The following SNAPC4 variants were observed in gnomAD, a reference collection of about 807,000 sequenced individuals.
SNAPC4 encodes snRNA-activating protein complex subunit 4.
Under a neutral mutation model 151.3 loss-of-function variants are expected in SNAPC4, and 127 were observed. The ratio of observed to expected loss-of-function variants is 0.84; its 90% confidence interval spans 0.73 to 0.97. The LOEUF is 0.97. Ranked by LOEUF, SNAPC4 falls within the 50% of genes least tolerant of loss-of-function variation. The probability of loss-of-function intolerance (pLI) is 0.00; values close to 1 mark genes in which losing one functional copy is unlikely to be tolerated. For synonymous variants in SNAPC4, 1,002 were observed against 824.4 expected (o/e 1.22, Z -3.69); for missense variants, 2,186 against 1,935.0 (o/e 1.13, Z -2.43).
chr9:136,395,386 G>A lies in SNAPC4; in HGVS notation c.383C>T (p.Thr128Ile). The A allele has an allele frequency of 6.2e-7, 1 of 1,613,532 alleles. No homozygotes were observed. Among genetic ancestry groups the A allele is most frequent in the South Asian group, 1.1e-5 (1 of 91,086 alleles). The change falls in exon 5 of 24, where the codon ACC (threonine) becomes ATC (isoleucine). Residue 128 changes from threonine (T) to isoleucine (I), a missense_variant. Coordinates refer to ENST00000684778, the MANE Select transcript of SNAPC4 (RefSeq NM_003086.4). The stretch of plus-strand genomic sequence containing the variant: ...CAGGCTTTTGCCATCTTTCACCTTG[G>A]TGCCTTTGGACCCAGCCAGATCCCT... ...LMRDLAGSKG[T>I]KVKDGKSLPP...
At chr9:136,380,624 C>T in intron 20 of SNAPC4, 116 bp downstream of exon 20, 1 of 638,332 alleles carries the variant, frequency 1.6e-6, no homozygotes, top group East Asian at 2.7e-5. Flanking sequence ...GTGCAGATGC[C>T]TCCCTGAGGG....
At chr9:136,390,862 A>G (rs919939624) in intron 10 of SNAPC4, among the ~76,000 whole-genome samples, 1 of 149,090 alleles carries the variant, frequency 6.7e-6, no homozygotes. Flanking sequence ...TTTGAGACGG[A>G]GTCTTGCTGT....
At chr9:136,396,355 G>A (rs989758145) in intron 3 of SNAPC4, among the ~76,000 whole-genome samples, 1 of 152,240 alleles carries the variant, frequency 6.6e-6, no homozygotes, top group East Asian at 1.9e-4. Context: ...GTAAACAAAA[G>A]GCAGCTAATA....
intron 10 of SNAPC4, 46 bp from the exon 11 acceptor site, chr9:136,388,637 G>A: frequency 6.2e-7 from 1 of 1,610,998 alleles, no homozygotes; most frequent in Non-Finnish European, 8.5e-7. Flanking sequence ...TGCGCGGCAG[G>A]ATGTCCAGAT....
rs776390535 is a variant in SNAPC4, at chr9:136,383,647, G to A, written c.1522C>T (p.Arg508Trp). ...MMGKKQGLRR[R>W]RRRARHSVRW... ...ACGCTGTGACGGGCCCTCCGCCGCC[G>A]CCTCCGGAGACCCTGCTTCTTCTGA... is the stretch of plus-strand genomic sequence containing the variant. The change falls in exon 16 of 24, where the codon CGG becomes TGG. Residue 508 changes from arginine to tryptophan, a missense_variant. Arg to Trp is a moderately radical substitution (Grantham distance 101). Transcript: ENST00000684778. This position sits in a 1 kb window ranked among gnomAD's most constrained non-coding sequence, Gnocchi z 4.2. The A allele has an allele frequency of 3.2e-5, 52 of 1,607,042 alleles. No individual in the cohort carries two copies. Among genetic ancestry groups the A allele is most frequent in the Non-Finnish European group, 4.0e-5 (47 of 1,176,514 alleles).
intron 13 of SNAPC4, among the ~76,000 whole-genome samples, chr9:136,386,016 A>G (rs983444528): frequency 6.6e-6 from 1 of 151,976 alleles, no homozygotes; most frequent in Non-Finnish European, 1.5e-5. Flanking sequence ...TTTGGGTTTT[A>G]TGCTTATCAA....
rs1283098995 is a variant in SNAPC4 at position 136,391,922 on chromosome 9, G to A, written c.975+20C>T. 1 of 1,596,566 alleles carries A rather than the reference G, an allele frequency of 6.3e-7. No individual in the cohort carries two copies. Among genetic ancestry groups the A allele is most frequent in the Non-Finnish European group, 8.5e-7 (1 of 1,177,842 alleles). On this transcript the variant is annotated intron_variant, in intron 10 of 23. Transcript: ENST00000684778. Reference sequence around the variant, plus strand: ...CGCCCTCAGGTCTCCTGGCCCCTGGGGTCCAGGCCAGGCCCTTACCCCCAG... The same window carrying A: ...CGCCCTCAGGTCTCCTGGCCCCTGGAGTCCAGGCCAGGCCCTTACCCCCAG...
At chr9:136,392,855 C>T (rs1188568570) in intron 7 of SNAPC4, 78 bp from the exon 8 acceptor site, 5 of 1,165,996 alleles carry the variant, frequency 4.3e-6, no homozygotes, top group Non-Finnish European at 6.3e-6. Flanking sequence ...CATTACAGGG[C>T]AAGGAGTGTG....
Position 136,379,357 on chromosome 9 carries a change from C to A in SNAPC4, c.2528-58G>T, listed in dbSNP as rs1833605835. On this transcript the variant is annotated intron_variant, in intron 21 of 23. Transcript: ENST00000684778. ...CCCAGGCATCTGGCCCAGGGACAGC[C>A]CCTCGCTGCCATCCCCTCATCAGGA... is the stretch of plus-strand genomic sequence containing the variant. 3 of 1,599,618 alleles carry A rather than the reference C, an allele frequency of 1.9e-6. No individual in the cohort carries two copies. The Admixed American group carries it at 5.2e-5, about 28-fold the overall frequency.
chr9:136,390,278 G>A lies in SNAPC4; in HGVS notation c.975+1664C>T, dbSNP rs527870438. Among the ~76,000 whole-genome samples, 18 of 152,250 alleles carry A rather than the reference G, an allele frequency of 1.2e-4. No individual in the cohort carries two copies. In the East Asian group the frequency reaches 2.9e-3, roughly 24 times the overall value. On this transcript the variant is annotated intron_variant, in intron 10 of 23. Transcript: ENST00000684778. ...AAGGCTGAAAATACAGGGATGGGCC[G>A]GGCGCGGTGGCTCACGTCTGTAATC... is the stretch of plus-strand genomic sequence containing the variant.
chr9:136,392,913 C>T (rs2131506708), intron 7 of SNAPC4, 136 bp from the exon 8 acceptor site: 1 of 716,068 alleles, frequency 1.4e-6, no homozygotes, highest in East Asian at 2.7e-5. Context: ...GCCTCGGCCT[C>T]CTCACCCATG....
chr9:136,382,264 T>C lies in SNAPC4; in HGVS notation c.2056A>G (p.Ser686Gly). ...GCAGCAGGCCTCACCTGTGTGCAGC[T>C]CCGAGCAGCCGTGTTGGCCCTGAGC... ...RVLRANTAAR[S>G]CTQKEQLRQP... The change falls in exon 17 of 24, where the codon AGC (serine) becomes GGC (glycine). Residue 686 changes from serine to glycine, a missense_variant. Physicochemically the swap from Ser to Gly is moderately conservative, Grantham distance 56. Coordinates refer to ENST00000684778, the MANE Select transcript of SNAPC4 (RefSeq NM_003086.4). 1 of 1,612,760 alleles carries C rather than the reference T, an allele frequency of 6.2e-7. No homozygotes were observed. The highest frequency in any genetic ancestry group is 8.5e-7 in the Non-Finnish European group (1 of 1,179,908).
chr9:136,379,861 A>T lies in SNAPC4; in HGVS notation c.2503T>A (p.Ser835Thr), dbSNP rs1833624692. Residue 835 changes from serine to threonine, a missense_variant, in exon 21 of 24, where the codon TCC (serine) becomes ACC (threonine). Ser to Thr is a moderately conservative substitution (Grantham distance 58). Coordinates refer to ENST00000684778, the MANE Select transcript of SNAPC4 (RefSeq NM_003086.4). ...CCTGGGGTGCTCTGGGCACTTGAGG[A>T]TGCCTGGAAATGAAAGAGAGGAGAG... ...RDPPVHLLQA[S>T]SSAQSTPGHL... The T allele has an allele frequency of 6.2e-7, 1 of 1,612,872 alleles. No homozygotes were observed. Among genetic ancestry groups the T allele is most frequent in the Non-Finnish European group, 8.5e-7 (1 of 1,179,576 alleles).
chr9:136,377,474 C>A, intron 22 of SNAPC4, 69 bp downstream of exon 22: 1 of 1,483,910 alleles, frequency 6.7e-7, no homozygotes, highest in Non-Finnish European at 8.9e-7. Flanking sequence ...CCCCACTGCT[C>A]CAGGCAGGCG....
chr9:136,395,325 C>T lies in SNAPC4; in HGVS notation c.444G>A (p.Pro148=), dbSNP rs750314247. Residue 148 remains proline (P), a synonymous_variant, in exon 5 of 24, where the codon CCG becomes CCA. Transcript: ENST00000684778. ...CGCCCGTGACCTTGTCCTTGAAATA[C>T]GGCTTCATGAAGTGCCCCATGTATG... ...PSTYMGHFMK[P]YFKDKVTGVG... 2.4e-5 allele frequency: 39 copies of T among 1,613,482 alleles called. No homozygotes were observed. Among genetic ancestry groups the T allele is most frequent in the Middle Eastern group, 1.6e-4 (1 of 6,084 alleles).
chr9:136,398,725 G>A (rs753968342), intron 1 of SNAPC4: 20 of 317,128 alleles, frequency 6.3e-5, no homozygotes, highest in Non-Finnish European at 1.0e-4. Context: ...GATGAACAAG[G>A]ACAGGCCCCA....
chr9:136,376,629 C>G, intron 22 of SNAPC4, 148 bp from the exon 23 acceptor site: 2 of 871,146 alleles, frequency 2.3e-6, no homozygotes, highest in Non-Finnish European at 3.7e-6. Context: ...GCTCCAGGCA[C>G]TCCTGGGGCC....
In SNAPC4 at chr9:136,381,266, T is replaced by G. The variant is rs1833680162; in HGVS notation, c.2388+56A>C. On this transcript the variant is annotated intron_variant, in intron 19 of 23. Transcript: ENST00000684778. Reference sequence around the variant, plus strand: ...TGAATCTACTGCAGATTTCAAAACTTCACCAAAAACTTTTTACAAGGCAAA... The same window carrying G: ...TGAATCTACTGCAGATTTCAAAACTGCACCAAAAACTTTTTACAAGGCAAA... 5 of 1,430,290 alleles carry G rather than the reference T, an allele frequency of 3.5e-6. No homozygotes were observed. The East Asian group carries it at 9.1e-5, about 26-fold the overall frequency. The allele number at this position is 1,430,290 out of a possible 1,614,324, so 88.6% of individuals were successfully genotyped here.
intron 22 of SNAPC4, among the ~76,000 whole-genome samples, chr9:136,377,214 G>A (rs1833479391): frequency 6.6e-6 from 1 of 152,208 alleles, no homozygotes; most frequent in South Asian, 2.1e-4. Flanking sequence ...TGTGGCGTGT[G>A]CGGCTCAGAG....
Sources: gnomAD v4.1 joint callset for allele counts (sites outside exome capture counted in the v4.1 genomes callset) on GRCh38, gnomAD v4.1.1 for gene constraint, Gnocchi (gnomAD v3.1) non-coding constraint, MANE v1.5 for transcripts, NCBI Gene and HGNC (gene_info 2026-07-23, HGNC 2026-07-21) for gene names.